ENOX1: variants seen among roughly 807,000 people sequenced by gnomAD.
The protein encoded by ENOX1 is ecto-NOX disulfide-thiol exchanger 1.
In ENOX1, 42 loss-of-function variants were observed where a neutral mutation model predicts 82.5. That is an observed-to-expected ratio of 0.51 (90% CI 0.40 to 0.66). The LOEUF is 0.66. Ranked by LOEUF, ENOX1 falls within the 30% of genes least tolerant of loss-of-function variation. The pLI is 0.00. For synonymous variants in ENOX1, 271 were observed against 282.2 expected (o/e 0.96, Z 0.40); for missense variants, 608 against 811.6 (o/e 0.75, Z 3.05).
chr13:43,536,963 G>T (rs974141601), intron 2 of ENOX1, among the ~76,000 whole-genome samples: 1 of 152,198 alleles, frequency 6.6e-6, no homozygotes, highest in African/African-American at 2.4e-5. Flanking sequence ...AGAAAATGGA[G>T]TGCCAAGGAA....
intron 2 of ENOX1, among the ~76,000 whole-genome samples, chr13:43,644,347 A>G (rs918069145): frequency 3.3e-5 from 5 of 152,252 alleles, no homozygotes; most frequent in African/African-American, 7.2e-5. Context: ...TTCCCTAGAT[A>G]GCTCTGTGTA....
At chr13:43,508,798 TATAAAC>T (rs1157268133) in intron 2 of ENOX1, among the ~76,000 whole-genome samples, 1 of 151,988 alleles carries the variant, frequency 6.6e-6, no homozygotes, top group Non-Finnish European at 1.5e-5. Flanking sequence ...CTAACAAAAA[TATAAAC>T]ATAGAAACAG....
In ENOX1 at chr13:43,782,698, A is replaced by C. The variant is rs142023114; in HGVS notation, c.-285+3954T>G. ...TTTGTCATAAATAATAAACAATGGA[A>C]TACAGATTATTTAAAATAGCACACG... On this transcript the variant is annotated intron_variant, in intron 1 of 16. Coordinates refer to ENST00000690772, the MANE Select transcript of ENOX1 (RefSeq NM_001347969.2). Among the ~76,000 whole-genome samples the C allele has an allele frequency of 1.6e-4, 24 of 152,354 alleles. No individual in the cohort carries two copies. In the East Asian group the frequency reaches 3.1e-3, roughly 20 times the overall value.
Position 43,214,015 on chromosome 13 carries a change from G to T in ENOX1, c.1907C>A (p.Ala636Asp), listed in dbSNP as rs775844570. The T allele has an allele frequency of 6.2e-7, 1 of 1,613,802 alleles. No individual in the cohort carries two copies. Among genetic ancestry groups the T allele is most frequent in the Non-Finnish European group, 8.5e-7 (1 of 1,179,830 alleles). The change falls in exon 17 of 17, where the codon GCC becomes GAC. Residue 636 changes from alanine (A) to aspartate (D), a missense_variant. Ala to Asp is a moderately radical substitution (Grantham distance 126). Transcript: ENST00000690772. ...TTAGGTAGTTTTAATTCCTTCAAAGGCACACAGCTTCCATCTTTTTTCCAG... is the reference window on the plus strand; with the variant it reads ...TTAGGTAGTTTTAATTCCTTCAAAGTCACACAGCTTCCATCTTTTTTCCAG... ...ATLEKRWKLCAFEGIKTT is the reference protein window; with the variant it reads ...ATLEKRWKLCDFEGIKTT
intron 12 of ENOX1, among the ~76,000 whole-genome samples, chr13:43,274,610 A>T (rs2044891487): frequency 6.6e-6 from 1 of 152,230 alleles, no homozygotes. Flanking sequence ...TAATCAGAAG[A>T]GTCTCTTGGT....
At chr13:43,672,657 G>C (rs1371136449) in intron 1 of ENOX1, among the ~76,000 whole-genome samples, 4 of 152,138 alleles carry the variant, frequency 2.6e-5, no homozygotes, top group Non-Finnish European at 5.9e-5. Context: ...CATATCGTGA[G>C]ACCTAGATTT....
chr13:43,701,436 CT>C (rs1366734417), intron 1 of ENOX1, among the ~76,000 whole-genome samples: 2 of 152,082 alleles, frequency 1.3e-5, no homozygotes, highest in African/African-American at 4.8e-5. Context: ...CCCTTTTTAC[CT>C]ATTTCTTTAT....
chr13:43,441,315 G>A (rs966530585), intron 3 of ENOX1, among the ~76,000 whole-genome samples: 11 of 152,148 alleles, frequency 7.2e-5, no homozygotes, highest in African/African-American at 2.7e-4. Context: ...CCAGTTAACT[G>A]ATTGAAATTA....
chr13:43,775,828 A>G (rs562366898), intron 1 of ENOX1, among the ~76,000 whole-genome samples: 55 of 152,206 alleles, frequency 3.6e-4, no homozygotes, highest in African/African-American at 1.2e-3. Flanking sequence ...TGCCACCCCT[A>G]AGGAATTCAA....
intron 2 of ENOX1, among the ~76,000 whole-genome samples, chr13:43,541,520 C>T (rs577805288): frequency 3.3e-5 from 5 of 152,172 alleles, no homozygotes; most frequent in East Asian, 1.9e-4. Flanking sequence ...GAAACAAAAA[C>T]GATTTCCAAT....
chr13:43,769,577 G>A (rs1328343283), intron 1 of ENOX1, among the ~76,000 whole-genome samples: 1 of 152,218 alleles, frequency 6.6e-6, no homozygotes, highest in Admixed American at 6.5e-5. Context: ...GATAGTAACA[G>A]ACTGACTGCA....
Position 43,361,448 on chromosome 13 carries a change from T to A in ENOX1, c.213A>T (p.Ser71=), listed in dbSNP as rs1386335509. The A allele has an allele frequency of 6.2e-6, 10 of 1,610,756 alleles. No individual in the cohort carries two copies. Among genetic ancestry groups the A allele is most frequent in the Non-Finnish European group, 8.5e-6 (10 of 1,179,312 alleles). The change falls in exon 6 of 17, where the codon TCA becomes TCT. Residue 71 remains serine (S), a synonymous_variant. Coordinates refer to ENST00000690772, the MANE Select transcript of ENOX1 (RefSeq NM_001347969.2). The stretch of plus-strand genomic sequence containing the variant: ...TTGGATCAAAGCCTGGGACACAGAT[T>A]GAGTCTGTAAAGTATACAAGATAAC... ...GLPGQQLVSD[S]ICVPGFDPSL... is the part of the protein sequence containing the mutation.
At chr13:43,414,553 TA>T (rs1254459589) in intron 3 of ENOX1, among the ~76,000 whole-genome samples, 1 of 152,224 alleles carries the variant, frequency 6.6e-6, no homozygotes, top group African/African-American at 2.4e-5. Context: ...ATAGCTAACC[TA>T]AATGTCTGGT....
At chr13:43,368,730 G>A (rs889197879) in intron 5 of ENOX1, among the ~76,000 whole-genome samples, 5 of 152,168 alleles carry the variant, frequency 3.3e-5, no homozygotes, top group African/African-American at 1.2e-4. Flanking sequence ...GTGTGGAGGG[G>A]TTCATTTTGA....
At chr13:43,590,851 C>A (rs1437249053) in intron 2 of ENOX1, among the ~76,000 whole-genome samples, 3 of 149,328 alleles carry the variant, frequency 2.0e-5, no homozygotes, top group African/African-American at 7.4e-5. Flanking sequence ...GCGCAAATGT[C>A]AGAAATAGGT....
intron 1 of ENOX1, among the ~76,000 whole-genome samples, chr13:43,768,649 C>T (rs2153836849): frequency 6.6e-6 from 1 of 152,224 alleles, no homozygotes; most frequent in African/African-American, 2.4e-5. Flanking sequence ...TTTAATTTGA[C>T]AATAATAAGT....
At chr13:43,673,662 C>T (rs73479956) in intron 1 of ENOX1, among the ~76,000 whole-genome samples, 1 of 152,228 alleles carries the variant, frequency 6.6e-6, no homozygotes, top group Non-Finnish European at 1.5e-5. Context: ...ACTGGCTGGA[C>T]TATTTCTCTC....
At chr13:43,614,757 G>GC (rs1305663158) in intron 2 of ENOX1, among the ~76,000 whole-genome samples, 1 of 152,068 alleles carries the variant, frequency 6.6e-6, no homozygotes, top group South Asian at 2.1e-4. Context: ...TCTGGGAGGA[G>GC]CCCCCCATTT....
intron 1 of ENOX1, among the ~76,000 whole-genome samples, chr13:43,673,078 C>T (rs2085342367): frequency 6.6e-6 from 1 of 152,038 alleles, no homozygotes; most frequent in African/African-American, 2.4e-5. Context: ...ATTCCCATCT[C>T]AATAAGCAAT....
Sources: allele counts gnomAD v4.1 joint callset (sites outside exome capture counted in the v4.1 genomes callset), GRCh38; gene constraint gnomAD v4.1.1; transcripts MANE v1.5; gene names NCBI Gene and HGNC (gene_info 2026-07-23, HGNC 2026-07-21).